TRAPPC9: variants seen among roughly 807,000 people sequenced by gnomAD.
TRAPPC9 encodes IKK2 binding protein.
In TRAPPC9, 83 loss-of-function variants were observed where a neutral mutation model predicts 124.0. The observed-to-expected ratio is 0.67, with a 90% CI of 0.56 to 0.80. TRAPPC9 has a LOEUF of 0.80. Among genes scored for constraint, TRAPPC9 ranks in the 30% least tolerant of loss-of-function variants. The probability of loss-of-function intolerance (pLI) is 0.00; values close to 1 mark genes in which losing one functional copy is unlikely to be tolerated. For missense variants in TRAPPC9, 1,302 were observed against 1,508.3 expected (o/e 0.86, Z 2.27); for synonymous variants, 638 against 617.5 (o/e 1.03, Z -0.49).
chr8:140,062,605 T>C (rs966367952), intron 17 of TRAPPC9, among the ~76,000 whole-genome samples: 1 of 152,058 alleles, frequency 6.6e-6, no homozygotes, highest in Non-Finnish European at 1.5e-5. Flanking sequence ...ACTATCACTT[T>C]CCTGTTTCCA....
At position 140,320,498 on chromosome 8, in the gene TRAPPC9, C is replaced by A. The variant is rs372250867; in HGVS notation, c.1496-9124G>T. Among the ~76,000 whole-genome samples the A allele has an allele frequency of 5.9e-5, 9 of 152,308 alleles. No individual in the cohort carries two copies. In the South Asian group the frequency reaches 1.9e-3, roughly 32 times the overall value. ...CCCACTCAGGGGAGGCCACGCCAAA[C>A]GTCCAGCACAGAGCTGCAGACGGGA... is the stretch of plus-strand genomic sequence containing the variant. On this transcript the variant is annotated intron_variant, in intron 9 of 22. Coordinates refer to ENST00000438773, the MANE Select transcript of TRAPPC9 (RefSeq NM_001160372.4).
intron 17 of TRAPPC9, among the ~76,000 whole-genome samples, chr8:140,140,958 C>T (rs1315486041): frequency 6.6e-6 from 1 of 152,200 alleles, no homozygotes; most frequent in Non-Finnish European, 1.5e-5. Flanking sequence ...GAGGAGATGT[C>T]CAAATGGCAG....
intron 14 of TRAPPC9, among the ~76,000 whole-genome samples, chr8:140,279,716 A>G (rs1401947174): frequency 6.6e-6 from 1 of 152,122 alleles, no homozygotes; most frequent in Non-Finnish European, 1.5e-5. Context: ...AGGACAATAA[A>G]AATGGGGGGT....
chr8:139,939,343 G>A (rs914384675), intron 19 of TRAPPC9, among the ~76,000 whole-genome samples: 8 of 152,322 alleles, frequency 5.3e-5, no homozygotes, highest in Middle Eastern at 3.4e-3. Flanking sequence ...GAGGCGTGGC[G>A]GGCAGGTGCC....
At chr8:139,906,534 GTAGGGAAGGGCA>G (rs1326194380) in intron 20 of TRAPPC9, among the ~76,000 whole-genome samples, 1 of 152,124 alleles carries the variant, frequency 6.6e-6, no homozygotes, top group East Asian at 1.9e-4. Flanking sequence ...CAGAAATTAA[GTAGGGAAGGGCA>G]TAGGGGAGGG....
intron 19 of TRAPPC9, 55 bp downstream of exon 19, chr8:139,988,671 C>T (rs1054644798): frequency 1.0e-5 from 12 of 1,192,860 alleles, no homozygotes; most frequent in Admixed American, 9.9e-5. Flanking sequence ...TCCCAAGCAG[C>T]GTGGTGAAGG....
chr8:140,458,168 T>A, upstream of TRAPPC9: 5 of 1,425,268 alleles, frequency 3.5e-6, no homozygotes, highest in Non-Finnish European at 4.7e-6. Context: ...TGGAGGGAGA[T>A]GGAGCGAGGA....
chr8:140,082,475 C>T (rs1220403938), intron 17 of TRAPPC9, among the ~76,000 whole-genome samples: 1 of 152,040 alleles, frequency 6.6e-6, no homozygotes, highest in Non-Finnish European at 1.5e-5. Context: ...AGGTGAGAGG[C>T]GAAAGTGCCA....
chr8:139,898,479 A>G (rs1172170118), intron 20 of TRAPPC9, among the ~76,000 whole-genome samples: 1 of 152,200 alleles, frequency 6.6e-6, no homozygotes, highest in East Asian at 1.9e-4. Flanking sequence ...CACCTATGCA[A>G]GGCCACAGTT....
At chr8:139,775,714 C>T (rs1821311392) in intron 21 of TRAPPC9, among the ~76,000 whole-genome samples, 1 of 152,210 alleles carries the variant, frequency 6.6e-6, no homozygotes, top group African/African-American at 2.4e-5. Flanking sequence ...CGACATCCCC[C>T]TAGCTGGCCA....
intron 9 of TRAPPC9, among the ~76,000 whole-genome samples, chr8:140,324,758 A>T (rs2066694135): frequency 6.6e-6 from 1 of 152,234 alleles, no homozygotes; most frequent in South Asian, 2.1e-4. Flanking sequence ...CAACAGAGGG[A>T]CACCCTGTCT....
At chr8:139,828,000 G>A (rs1000314827) in intron 21 of TRAPPC9, among the ~76,000 whole-genome samples, 3 of 152,154 alleles carry the variant, frequency 2.0e-5, no homozygotes, top group Non-Finnish European at 2.9e-5. Context: ...TGAGGGAAAG[G>A]TGCTAAGCCA....
chr8:139,835,428 C>A (rs35959340), intron 21 of TRAPPC9, among the ~76,000 whole-genome samples: 3 of 152,276 alleles, frequency 2.0e-5, no homozygotes, highest in African/African-American at 7.2e-5. Flanking sequence ...GCCTTCCCTC[C>A]TGCGCCCCAT....
At chr8:140,385,334 G>A (rs920794448) in intron 7 of TRAPPC9, among the ~76,000 whole-genome samples, 1 of 152,144 alleles carries the variant, frequency 6.6e-6, no homozygotes, top group African/African-American at 2.4e-5. Context: ...CAGAACTGAA[G>A]GAGATAGAGA....
At chr8:140,219,096 C>T (rs1262567323) in intron 17 of TRAPPC9, among the ~76,000 whole-genome samples, 1 of 152,146 alleles carries the variant, frequency 6.6e-6, no homozygotes, top group East Asian at 1.9e-4. Context: ...GCAGGAAGAG[C>T]CAGTGAATGA....
chr8:139,897,186 T>C lies in TRAPPC9; in HGVS notation c.2965-11217A>G, dbSNP rs576517428. ...TTCCTCTCACAGCGTCCTCCAAGCT[T>C]GCCACTTTCTGCCTCAGAGACACGG... On this transcript the variant is annotated intron_variant, in intron 20 of 22. Coordinates refer to ENST00000438773, the MANE Select transcript of TRAPPC9 (RefSeq NM_001160372.4). Among the ~76,000 whole-genome samples, 6 of 152,326 alleles carry C rather than the reference T, an allele frequency of 3.9e-5. No homozygotes were observed. The East Asian group carries it at 1.2e-3, about 29-fold the overall frequency.
intron 20 of TRAPPC9, among the ~76,000 whole-genome samples, chr8:139,908,385 T>C (rs1831498154): frequency 6.6e-6 from 1 of 152,146 alleles, no homozygotes; most frequent in Non-Finnish European, 1.5e-5. Context: ...AGATGCCTCC[T>C]GCCTCACATA....
upstream of TRAPPC9, chr8:140,458,245 G>A (rs756195112): frequency 1.3e-6 from 2 of 1,551,346 alleles, no homozygotes; most frequent in South Asian, 2.4e-5. Context: ...GGGCGGCGCA[G>A]CTGGAAGGAG....
chr8:140,192,026 G>A (rs1413722318), intron 17 of TRAPPC9, among the ~76,000 whole-genome samples: 1 of 152,162 alleles, frequency 6.6e-6, no homozygotes, highest in Admixed American at 6.5e-5. Flanking sequence ...ATGGTACCTG[G>A]CATATAGCAA....
Sources: gnomAD v4.1 joint callset for allele counts (sites outside exome capture counted in the v4.1 genomes callset) on GRCh38, gnomAD v4.1.1 for gene constraint, MANE v1.5 for transcripts, NCBI Gene and HGNC (gene_info 2026-07-23, HGNC 2026-07-21) for gene names.